Variants in SUGCT observed in about 807,000 individuals in gnomAD.
SUGCT encodes the protein succinyl-CoA:glutarate-CoA transferase, also known as succinyl-CoA:glutarate CoA-transferase.
Under a neutral mutation model 55.0 loss-of-function variants are expected in SUGCT, and 41 were observed. The ratio of observed to expected loss-of-function variants is 0.74; its 90% CI spans 0.58 to 0.97. The LOEUF (loss-of-function observed/expected upper bound fraction) is 0.97. SUGCT is among the 50% of genes least tolerant of loss of function. SUGCT has a pLI of 0.00. For synonymous variants in SUGCT, 187 were observed against 200.4 expected, an observed-to-expected ratio of 0.93 and a Z score of 0.56; for missense variants, 568 against 547.8, an observed-to-expected ratio of 1.04 and a Z score of -0.37.
intron 9 of SUGCT, among the ~76,000 whole-genome samples, chr7:40,376,940 A>G (rs553367592): frequency 1.1e-3 from 168 of 151,468 alleles, no homozygotes; most frequent in African/African-American, 3.6e-3. Context: ...TCCAGTTTAT[A>G]TATTTTTTCC....
At chr7:40,444,548 G>C (rs1284259487) in intron 9 of SUGCT, among the ~76,000 whole-genome samples, 2 of 152,128 alleles carry the variant, frequency 1.3e-5, no homozygotes, top group Non-Finnish European at 2.9e-5. Flanking sequence ...GTATAAGAAT[G>C]CTTGTAATTT....
At chr7:41,023,856 C>A in the SUGCT span, among the ~76,000 whole-genome samples, 206 of 152,212 alleles carry the variant, frequency 1.4e-3, 1 homozygote, top group African/African-American at 4.7e-3. Flanking sequence ...AAAGCAATAG[C>A]CATTTCCTTC....
the SUGCT span, among the ~76,000 whole-genome samples, chr7:40,908,938 G>A: frequency 2.0e-5 from 3 of 151,960 alleles, no homozygotes; most frequent in East Asian, 5.8e-4. Context: ...GACCATGGAT[G>A]GTATGGTTTT....
intron 1 of SUGCT, among the ~76,000 whole-genome samples, chr7:40,138,772 AAATTTTAC>A (rs1787826438): frequency 6.6e-6 from 1 of 152,110 alleles, no homozygotes; most frequent in African/African-American, 2.4e-5. Context: ...CATTTTTTAA[AAATTTTAC>A]TCATGGCAGT....
downstream of SUGCT, among the ~76,000 whole-genome samples, chr7:40,865,216 G>A (rs570481030): frequency 7.3e-5 from 11 of 149,796 alleles, no homozygotes; most frequent in Admixed American, 3.3e-4. Flanking sequence ...ACACAGACAC[G>A]CACACAGAGT....
intron 12 of SUGCT, among the ~76,000 whole-genome samples, chr7:40,694,070 G>GT (rs1784815167): frequency 6.6e-6 from 1 of 152,126 alleles, no homozygotes; most frequent in Non-Finnish European, 1.5e-5. Flanking sequence ...GTTTATTCTG[G>GT]TTTTATCAGC....
At chr7:40,946,251 A>G in the SUGCT span, among the ~76,000 whole-genome samples, 1 of 152,080 alleles carries the variant, frequency 6.6e-6, no homozygotes, top group Non-Finnish European at 1.5e-5. Flanking sequence ...GTCTCAGGCA[A>G]TGGGCAGGAC....
intron 9 of SUGCT, among the ~76,000 whole-genome samples, chr7:40,433,273 C>G (rs941250549): frequency 1.3e-5 from 2 of 150,928 alleles, no homozygotes; most frequent in Non-Finnish European, 2.9e-5. Flanking sequence ...TGATATGCCT[C>G]TGCTTCTTTA....
chr7:40,496,248 C>A, intron 11 of SUGCT, 36 bp from the exon 12 acceptor site: 1 of 1,392,070 alleles, frequency 7.2e-7, no homozygotes, highest in Non-Finnish European at 1.0e-6. Flanking sequence ...TACATTCCTT[C>A]CTGTGTAAAA....
intron 1 of SUGCT, among the ~76,000 whole-genome samples, chr7:40,139,011 T>C (rs1787837692): frequency 6.6e-6 from 1 of 152,064 alleles, no homozygotes; most frequent in Non-Finnish European, 1.5e-5. Context: ...TGGTGGCTTA[T>C]GCCTGTAATC....
intron 5 of SUGCT, among the ~76,000 whole-genome samples, chr7:40,193,504 C>T (rs546183808): frequency 1.8e-3 from 268 of 150,210 alleles, no homozygotes; most frequent in African/African-American, 6.0e-3. Context: ...AGGCTGGTCT[C>T]GAACTCCTGA....
chr7:40,665,432 A>T (rs1167961557), intron 12 of SUGCT, among the ~76,000 whole-genome samples: 8 of 140,418 alleles, frequency 5.7e-5, no homozygotes, highest in South Asian at 2.3e-4. Context: ...TCTATCTCAA[A>T]AAATAAATAA....
At chr7:40,440,409 C>T (rs559147751) in intron 9 of SUGCT, among the ~76,000 whole-genome samples, 2 of 152,046 alleles carry the variant, frequency 1.3e-5, no homozygotes, top group South Asian at 4.2e-4. Context: ...GATCCACCTG[C>T]CTTGGCCTCC....
chr7:40,818,701 G>A (rs1393587659), intron 13 of SUGCT, among the ~76,000 whole-genome samples: 1 of 152,138 alleles, frequency 6.6e-6, no homozygotes, highest in Non-Finnish European at 1.5e-5. Context: ...ATCTTTGCAG[G>A]AAGGAGGGTA....
intron 12 of SUGCT, among the ~76,000 whole-genome samples, chr7:40,698,795 G>A (rs1785049744): frequency 6.6e-6 from 1 of 152,164 alleles, no homozygotes; most frequent in Non-Finnish European, 1.5e-5. Flanking sequence ...GAAGTGAGGT[G>A]GGTGACTGTG....
chr7:40,918,273 C>G, the SUGCT span, among the ~76,000 whole-genome samples: 1 of 151,870 alleles, frequency 6.6e-6, no homozygotes. Context: ...CCAGCCTGAC[C>G]AACATGGTGA....
At chr7:41,029,866 A>G in the SUGCT span, among the ~76,000 whole-genome samples, 2 of 152,138 alleles carry the variant, frequency 1.3e-5, no homozygotes, top group Admixed American at 6.5e-5. Flanking sequence ...TATCATAAGT[A>G]ATAGTTTAAC....
intron 8 of SUGCT, among the ~76,000 whole-genome samples, chr7:40,311,440 T>C (rs1242860029): frequency 2.0e-5 from 3 of 152,250 alleles, no homozygotes; most frequent in Admixed American, 2.0e-4. Flanking sequence ...TCTGAAATGA[T>C]CATTCTGCAA....
chr7:40,850,236 A>G (rs748145199), intron 13 of SUGCT, among the ~76,000 whole-genome samples: 15 of 152,180 alleles, frequency 9.9e-5, no homozygotes, highest in Non-Finnish European at 1.8e-4. Context: ...ATTCTGCCAC[A>G]GGACTGTCTG....
Sources: allele counts gnomAD v4.1 joint callset (sites outside exome capture counted in the v4.1 genomes callset), GRCh38; gene constraint gnomAD v4.1.1; transcripts MANE v1.5; gene names NCBI Gene and HGNC (gene_info 2026-07-23, HGNC 2026-07-21).